NINJ2: variants seen among roughly 807,000 people sequenced by gnomAD.
The protein encoded by NINJ2 is ninjurin 2, also known as ninjurin-2.
A neutral mutation model predicts 11.7 loss-of-function variants in NINJ2; 12 were observed. The observed-to-expected ratio is 1.02, with a 90% CI of 0.66 to 1.66. The LOEUF is 1.66. NINJ2 is among the 40% of genes most tolerant of loss of function. The pLI is 0.00. For missense variants in NINJ2, 187 were observed against 181.8 expected (o/e 1.03, Z -0.16); for synonymous variants, 93 against 76.8 (o/e 1.21, Z -1.10).
chr12:579,380 G>A (rs565182291), intron 1 of NINJ2, among the ~76,000 whole-genome samples: 4 of 150,978 alleles, frequency 2.6e-5, no homozygotes, highest in Admixed American at 1.3e-4. Context: ...AGGATACAAC[G>A]AAGATCCCTG....
At chr12:619,274 GC>G (rs1283704948) in intron 1 of NINJ2, among the ~76,000 whole-genome samples, 5 of 152,202 alleles carry the variant, frequency 3.3e-5, no homozygotes, top group Non-Finnish European at 5.9e-5. Context: ...CTTACAAGGT[GC>G]TTGCTGGCAA....
At position 581,496 on chromosome 12, in the gene NINJ2, T is replaced by C. The variant is rs960779506; in HGVS notation, c.34-15318A>G. ...GCCTGGCCCTAGGACTCATGCCTTT[T>C]CCCTGCCAGCAAAGCAGGTCCAGCC... On this transcript the variant is annotated intron_variant, in intron 1 of 3. Coordinates refer to ENST00000305108, the MANE Select transcript of NINJ2 (RefSeq NM_016533.6). The surrounding 1 kb of genome is among the most constrained non-coding windows in gnomAD (Gnocchi z 4.9). Among the ~76,000 whole-genome samples, 1 of 152,136 alleles carries C rather than the reference T, an allele frequency of 6.6e-6. No individual in the cohort carries two copies. The highest frequency in any genetic ancestry group is 1.5e-5 in the Non-Finnish European group (1 of 68,016).
chr12:617,098 CG>C (rs1948101511), intron 1 of NINJ2, among the ~76,000 whole-genome samples: 1 of 152,062 alleles, frequency 6.6e-6, no homozygotes, highest in African/African-American at 2.4e-5. Context: ...CCCTGCTACT[CG>C]GGAGGCTGAG....
intron 1 of NINJ2, among the ~76,000 whole-genome samples, chr12:571,230 C>T (rs924951124): frequency 2.0e-5 from 3 of 152,104 alleles, no homozygotes; most frequent in Non-Finnish European, 4.4e-5. Flanking sequence ...GAGTTTGGGG[C>T]GGCATGAAGC....
chr12:611,213 C>CTTTCTTTCTTTCTT, intron 1 of NINJ2, among the ~76,000 whole-genome samples: 1 of 141,276 alleles, frequency 7.1e-6, no homozygotes, highest in Non-Finnish European at 1.5e-5. Context: ...TTCTTTCCCT[C>CTTTCTTTCTTTCTT]TTTCTTTCTT....
At chr12:659,502 G>T (rs961914031) in intron 1 of NINJ2, among the ~76,000 whole-genome samples, 3 of 152,158 alleles carry the variant, frequency 2.0e-5, no homozygotes, top group African/African-American at 4.8e-5. Flanking sequence ...TGGGAGATGC[G>T]CAGGCTTAGC....
chr12:663,215 T>G lies in NINJ2; in HGVS notation c.33+113A>C. 4.3e-6 allele frequency: 4 copies of G among 936,104 alleles called. No homozygotes were observed. The South Asian group carries it at 6.2e-5, about 15-fold the overall frequency. 58.0% of individuals were successfully genotyped at this position (936,104 alleles called of 1,614,324 possible). Reference sequence around the variant, plus strand: ...GGGAGCATTTGGAGAAGGGAGTGAGTAAGAAGAGAACGGGGAGGGAGAATA... The same window carrying G: ...GGGAGCATTTGGAGAAGGGAGTGAGGAAGAAGAGAACGGGGAGGGAGAATA... On this transcript the variant is annotated intron_variant, in intron 1 of 3. Coordinates refer to ENST00000305108, the MANE Select transcript of NINJ2 (RefSeq NM_016533.6).
chr12:587,992 G>A (rs11503082), intron 1 of NINJ2, among the ~76,000 whole-genome samples: 50,185 of 151,946 alleles, frequency 0.33, 8,493 homozygotes, highest in Admixed American at 0.41. Context: ...GGGAGGGGAC[G>A]ACCTACACAG....
intron 1 of NINJ2, among the ~76,000 whole-genome samples, chr12:583,945 A>T (rs2120845225): frequency 6.6e-6 from 1 of 152,318 alleles, no homozygotes; most frequent in Middle Eastern, 3.4e-3. Flanking sequence ...GATCAATCTG[A>T]TAGGGTGCAG....
chr12:656,229 T>A (rs1937870673), intron 1 of NINJ2, among the ~76,000 whole-genome samples: 1 of 151,208 alleles, frequency 6.6e-6, no homozygotes, highest in African/African-American at 2.4e-5. Context: ...CTGGGCGTGG[T>A]GGTGGGCACC....
chr12:603,928 T>C (rs1350887900), intron 1 of NINJ2, among the ~76,000 whole-genome samples: 1 of 152,206 alleles, frequency 6.6e-6, no homozygotes, highest in African/African-American at 2.4e-5. Context: ...CCCAAAGTGC[T>C]GGGACTACAG....
chr12:599,586 T>TC (rs1947838212), intron 1 of NINJ2, among the ~76,000 whole-genome samples: 1 of 152,212 alleles, frequency 6.6e-6, no homozygotes, highest in Non-Finnish European at 1.5e-5. Flanking sequence ...TCCCCCCATT[T>TC]ACTGGTGAGA....
At chr12:575,180 C>T (rs968512721) in intron 1 of NINJ2, among the ~76,000 whole-genome samples, 2 of 152,220 alleles carry the variant, frequency 1.3e-5, no homozygotes, top group African/African-American at 4.8e-5. Flanking sequence ...CTCTCGCCTT[C>T]GAGCCGCCTG....
Position 655,982 on chromosome 12 carries a change from A to G in NINJ2, c.33+7346T>C, listed in dbSNP as rs779301812. On this transcript the variant is annotated intron_variant, in intron 1 of 3. Transcript: ENST00000305108. ...ATAGATAGATATTCCATGTTTATGG[A>G]TAAGAGGACTCACTATAGATTCAAA... is the stretch of plus-strand genomic sequence containing the variant. 1.3e-4 allele frequency among the ~76,000 whole-genome samples: 20 copies of G among 152,174 alleles called. 1 individual carries two copies. Among genetic ancestry groups the G allele is most frequent in the Admixed American group, 2.6e-4 (4 of 15,270 alleles).
At chr12:629,520 A>G (rs946139984) in intron 1 of NINJ2, among the ~76,000 whole-genome samples, 2 of 152,160 alleles carry the variant, frequency 1.3e-5, no homozygotes, top group African/African-American at 4.8e-5. Flanking sequence ...TCCAACCCAC[A>G]GCCTGTGGGC....
At chr12:643,576 G>A (rs1162398993) in intron 1 of NINJ2, 1 of 987,952 alleles carries the variant, frequency 1.0e-6, no homozygotes, top group Admixed American at 6.1e-5. Flanking sequence ...GGCTGGAGAT[G>A]AGGAAACCGA....
chr12:621,817 GAA>G (rs544238368), intron 1 of NINJ2, among the ~76,000 whole-genome samples: 3 of 126,692 alleles, frequency 2.4e-5, no homozygotes, highest in Non-Finnish European at 3.2e-5. Flanking sequence ...CTCCGTCTCA[GAA>G]AAAAAAAAAA....
intron 1 of NINJ2, among the ~76,000 whole-genome samples, chr12:652,406 G>T (rs1307609647): frequency 6.6e-6 from 1 of 152,140 alleles, no homozygotes; most frequent in East Asian, 1.9e-4. Flanking sequence ...GCTCTGTCTT[G>T]CAAGAAATAT....
rs1279017426 is a variant in NINJ2 at position 614,368 on chromosome 12, G to A, written c.34-48190C>T. 2.0e-5 allele frequency among the ~76,000 whole-genome samples: 3 copies of A among 152,192 alleles called. No individual in the cohort carries two copies. The highest frequency in any genetic ancestry group is 7.2e-5 in the African/African-American group (3 of 41,450). ...GGGACTTGGTCTTGGGAGAACATAAGTCTGGGTCGTTGGGTGGTGGCAGAA... is the reference window on the plus strand; with the variant it reads ...GGGACTTGGTCTTGGGAGAACATAAATCTGGGTCGTTGGGTGGTGGCAGAA... On this transcript the variant is annotated intron_variant, in intron 1 of 3. Coordinates refer to ENST00000305108, the MANE Select transcript of NINJ2 (RefSeq NM_016533.6). This position sits in a 1 kb window ranked among gnomAD's most constrained non-coding sequence, Gnocchi z 5.1.
Sources: allele counts gnomAD v4.1 joint callset (sites outside exome capture counted in the v4.1 genomes callset), GRCh38; gene constraint gnomAD v4.1.1; non-coding constraint Gnocchi (gnomAD v3.1); transcripts MANE v1.5; gene names NCBI Gene and HGNC (gene_info 2026-07-23, HGNC 2026-07-21).